The following ATAD2 variants were observed in gnomAD, a reference collection of about 807,000 sequenced individuals.
ATAD2 encodes the protein ATPase family AAA domain containing 2.
In ATAD2, 62 loss-of-function variants were observed where a neutral mutation model predicts 168.9. The ratio of observed to expected loss-of-function variants is 0.37; its 90% CI spans 0.30 to 0.45. The LOEUF is 0.45. Among genes scored for constraint, ATAD2 ranks in the 20% least tolerant of loss-of-function variants. The pLI, the probability that ATAD2 is intolerant of heterozygous loss-of-function variation, is 1.00. For synonymous variants in ATAD2, 613 were observed against 571.6 expected (o/e 1.07, Z -1.03); for missense variants, 1,419 against 1,667.8 (o/e 0.85, Z 2.60).
At chr8:123,373,987 G>A (rs1242112663) in intron 2 of ATAD2, among the ~76,000 whole-genome samples, 1 of 152,084 alleles carries the variant, frequency 6.6e-6, no homozygotes, top group Non-Finnish European at 1.5e-5. Flanking sequence ...TCCCTGATGA[G>A]TTAACTTATA....
intron 19 of ATAD2, 79 bp downstream of exon 19, chr8:123,344,805 A>G: frequency 6.8e-7 from 1 of 1,478,292 alleles, no homozygotes; most frequent in Non-Finnish European, 9.4e-7. Flanking sequence ...CAGCATTTGA[A>G]TTTTTTCAAT....
At chr8:123,410,032 T>C (rs1413451183) in intron 1 of ATAD2, among the ~76,000 whole-genome samples, 1 of 151,992 alleles carries the variant, frequency 6.6e-6, no homozygotes, top group Non-Finnish European at 1.5e-5. Flanking sequence ...ATATACTGTG[T>C]GCTGTGGATT....
At chr8:123,371,945 C>A (rs1177617087) in intron 3 of ATAD2, 110 bp from the exon 4 acceptor site, 1 of 1,116,676 alleles carries the variant, frequency 9.0e-7, no homozygotes, top group African/African-American at 1.6e-5. Flanking sequence ...AACAAAATTA[C>A]AGTATCTTAA....
At chr8:123,357,994 T>C (rs1292754568) in intron 11 of ATAD2, among the ~76,000 whole-genome samples, 1 of 152,246 alleles carries the variant, frequency 6.6e-6, no homozygotes, top group Admixed American at 6.5e-5. Context: ...TTCATCATAT[T>C]ATCTTACCTT....
upstream of ATAD2, among the ~76,000 whole-genome samples, chr8:123,399,428 G>C (rs1413673082): frequency 6.6e-6 from 1 of 152,158 alleles, no homozygotes. Context: ...CATTCTAAGA[G>C]GTACTCAGTG....
At chr8:123,412,475 C>G (rs1401947958) in intron 1 of ATAD2, among the ~76,000 whole-genome samples, 1 of 152,086 alleles carries the variant, frequency 6.6e-6, no homozygotes, top group East Asian at 1.9e-4. Context: ...CTCTGTTGCC[C>G]AGGCTGGAGT....
rs557405904 is a variant in ATAD2 at position 123,390,031 on chromosome 8, T to G, written c.171+6156A>C. Among the ~76,000 whole-genome samples, 646 of 143,788 alleles carry G rather than the reference T, an allele frequency of 4.5e-3. 5 individuals are homozygous for G. The highest frequency in any genetic ancestry group is 0.015 in the Middle Eastern group (4 of 274). The allele number at this position is 143,788 out of a possible 152,430, so 94.3% of individuals were successfully genotyped here. A position where few individuals can be genotyped will look rare whatever the true frequency, so the allele number is the denominator to read the frequency against. ...TCTTGCTCTCTTGCCCAGGCTGGAGTGCAATGGCGCAATCTCGGCTCACTG... is the reference window on the plus strand; with the variant it reads ...TCTTGCTCTCTTGCCCAGGCTGGAGGGCAATGGCGCAATCTCGGCTCACTG... On this transcript the variant is annotated intron_variant, in intron 1 of 27. Transcript: ENST00000287394.
At chr8:123,340,037 G>A (rs549198447) in intron 19 of ATAD2, among the ~76,000 whole-genome samples, 11 of 151,898 alleles carry the variant, frequency 7.2e-5, no homozygotes, top group Non-Finnish European at 1.2e-4. Context: ...CTACAGGCAC[G>A]CACCACCACA....
chr8:123,334,529 CCAAA>C (rs1006605294), intron 22 of ATAD2, among the ~76,000 whole-genome samples: 34 of 151,738 alleles, frequency 2.2e-4, no homozygotes, highest in Non-Finnish European at 4.3e-4. Flanking sequence ...CAAACTAAAC[CCAAA>C]CAATTTTACT....
intron 22 of ATAD2, among the ~76,000 whole-genome samples, chr8:123,335,684 T>C (rs1212529682): frequency 6.6e-6 from 1 of 152,196 alleles, no homozygotes; most frequent in Non-Finnish European, 1.5e-5. Flanking sequence ...TACATTTTAT[T>C]TTTAAAAATT....
intron 24 of ATAD2, among the ~76,000 whole-genome samples, chr8:123,333,647 C>T (rs1339923732): frequency 6.6e-6 from 1 of 152,146 alleles, no homozygotes; most frequent in Non-Finnish European, 1.5e-5. Context: ...CCAGAATTTA[C>T]AGACATCAGT....
rs1563856626 is a variant in ATAD2 at position 123,372,622 on chromosome 8, T to C, written c.370+15A>G. 3.2e-6 allele frequency: 5 copies of C among 1,560,120 alleles called. No individual in the cohort carries two copies. The highest frequency in any genetic ancestry group is 4.3e-6 in the Non-Finnish European group (5 of 1,154,004). ...TACACATTTTAAGATCTGAAATGAC[T>C]TTAACAGTACTTACCTTCTCTGTGC... On this transcript the variant is annotated intron_variant, in intron 3 of 27. Transcript: ENST00000287394.
chr8:123,384,493 G>A (rs560743596), intron 1 of ATAD2, among the ~76,000 whole-genome samples: 43 of 152,250 alleles, frequency 2.8e-4, no homozygotes, highest in Non-Finnish European at 5.0e-4. Context: ...CCTTCACTCT[G>A]GTCACAGGTA....
intron 1 of ATAD2, among the ~76,000 whole-genome samples, chr8:123,404,598 G>A (rs577566348): frequency 1.1e-4 from 16 of 145,802 alleles, no homozygotes; most frequent in African/African-American, 4.1e-4. Flanking sequence ...ATGGAGTCTC[G>A]CTCTGTCGCC....
upstream of ATAD2, among the ~76,000 whole-genome samples, chr8:123,399,741 C>T (rs1304850658): frequency 3.3e-5 from 5 of 152,108 alleles, no homozygotes; most frequent in East Asian, 7.7e-4. Context: ...GTAATCCCAG[C>T]TACTCAGGAG....
At position 123,357,740 on chromosome 8, in the gene ATAD2, T is replaced by C. The variant is rs16898255; in HGVS notation, c.1383-4A>G. On this transcript the variant is annotated splice_region_variant and splice_polypyrimidine_tract_variant and intron_variant, in intron 11 of 27. Coordinates refer to ENST00000287394, the MANE Select transcript of ATAD2 (RefSeq NM_014109.4). ...TGGCCCATAAAACAAACAACCTCTGTAAAACAATACATTAACATTTTAGTA... is the reference window on the plus strand; with the variant it reads ...TGGCCCATAAAACAAACAACCTCTGCAAAACAATACATTAACATTTTAGTA... 2.3e-3 allele frequency: 3,617 copies of C among 1,591,088 alleles called. 80 individuals are homozygous for C. The African/African-American group carries it at 0.043, about 19-fold the overall frequency.
intron 1 of ATAD2, among the ~76,000 whole-genome samples, chr8:123,406,816 CAA>C (rs61473512): frequency 0.097 from 13,031 of 134,528 alleles, 572 homozygotes; most frequent in Middle Eastern, 0.17. Context: ...GACCCTGTCT[CAA>C]AAAAAAAAAA....
chr8:123,377,111 A>AAAAAAAAAAAAAAAAAAAAAAC, intron 2 of ATAD2, among the ~76,000 whole-genome samples: 1 of 146,850 alleles, frequency 6.8e-6, no homozygotes, highest in Admixed American at 6.9e-5. Context: ...AAAAAAAAAA[A>AAAAAAAAAAAAAAAAAAAAAAC]AGAGCCAGGT....
intron 1 of ATAD2, among the ~76,000 whole-genome samples, chr8:123,392,690 A>G (rs780259948): frequency 6.6e-6 from 1 of 152,064 alleles, no homozygotes; most frequent in Non-Finnish European, 1.5e-5. Context: ...GCAGAGGTAT[A>G]CCAAATGGAA....
Sources: allele counts gnomAD v4.1 joint callset (sites outside exome capture counted in the v4.1 genomes callset), GRCh38; gene constraint gnomAD v4.1.1; transcripts MANE v1.5; gene names NCBI Gene and HGNC (gene_info 2026-07-23, HGNC 2026-07-21).